The following TENM4 variants were observed in gnomAD, a reference collection of about 807,000 sequenced individuals.
The protein encoded by TENM4 is teneurin-4.
Under a neutral mutation model 243.3 loss-of-function variants are expected in TENM4, and 82 were observed. The observed-to-expected ratio is 0.34, with a 90% confidence interval of 0.28 to 0.40. The LOEUF (loss-of-function observed/expected upper bound fraction) is 0.40, where lower values mean the gene tolerates loss of function less well. TENM4 is among the 10% of genes least tolerant of loss of function. The probability of loss-of-function intolerance (pLI) is 1.00; values close to 1 mark genes in which losing one functional copy is unlikely to be tolerated. For synonymous variants in TENM4, 1,412 were observed against 1,456.3 expected (o/e 0.97, Z 0.69); for missense variants, 3,138 against 3,673.3 (o/e 0.85, Z 3.77).
chr11:79,144,502 A>G (rs1862358085), intron 4 of TENM4, among the ~76,000 whole-genome samples: 1 of 152,138 alleles, frequency 6.6e-6, no homozygotes, highest in African/African-American at 2.4e-5. Flanking sequence ...GGCACTACTT[A>G]CAATAGGCAA....
intron 6 of TENM4, among the ~76,000 whole-genome samples, chr11:78,955,206 G>C (rs1456024796): frequency 6.6e-6 from 1 of 152,232 alleles, no homozygotes; most frequent in South Asian, 2.1e-4. Flanking sequence ...TTCTCACATG[G>C]ACACAGTGTT....
chr11:78,865,731 C>A (rs559447041), intron 9 of TENM4, among the ~76,000 whole-genome samples: 97 of 152,188 alleles, frequency 6.4e-4, no homozygotes, highest in African/African-American at 2.1e-3. Flanking sequence ...AGGCCACGCT[C>A]GGGTGAAAGC....
At chr11:79,361,395 A>T (rs1857586804) in intron 1 of TENM4, among the ~76,000 whole-genome samples, 1 of 152,216 alleles carries the variant, frequency 6.6e-6, no homozygotes, top group Non-Finnish European at 1.5e-5. Context: ...TTTAAGTATG[A>T]ACTAAATTCA....
chr11:79,428,248 A>C (rs1036126110), intron 1 of TENM4, among the ~76,000 whole-genome samples: 3 of 152,174 alleles, frequency 2.0e-5, no homozygotes, highest in Non-Finnish European at 2.9e-5. Flanking sequence ...TCCAAAATAC[A>C]ACACATTTCC....
intron 2 of TENM4, among the ~76,000 whole-genome samples, chr11:79,278,352 A>G (rs1856096635): frequency 6.6e-6 from 1 of 152,190 alleles, no homozygotes; most frequent in African/African-American, 2.4e-5. Context: ...GGCCGGACAA[A>G]TGGACTGATT....
intron 3 of TENM4, among the ~76,000 whole-genome samples, chr11:79,206,908 T>C (rs1395763693): frequency 6.6e-6 from 1 of 152,186 alleles, no homozygotes; most frequent in East Asian, 1.9e-4. Flanking sequence ...ATGAATTTCT[T>C]AGTCCTGGGC....
In TENM4 at chr11:79,030,097, C is replaced by T. The variant is rs548672158; in HGVS notation, c.493+34641G>A. Among the ~76,000 whole-genome samples the T allele has an allele frequency of 5.9e-5, 9 of 152,178 alleles. No individual in the cohort carries two copies. In the South Asian group the frequency reaches 1.2e-3, roughly 21 times the overall value. On this transcript the variant is annotated intron_variant, in intron 6 of 33. Coordinates refer to ENST00000278550, the MANE Select transcript of TENM4 (RefSeq NM_001098816.3). ...GCAAGATTCCTGTCTACTTTTCATT[C>T]GGCAATCAGGCATGTAATCAGAGGA...
At chr11:79,011,982 G>A (rs796853833) in intron 6 of TENM4, among the ~76,000 whole-genome samples, 1 of 151,956 alleles carries the variant, frequency 6.6e-6, no homozygotes, top group South Asian at 2.1e-4. Flanking sequence ...CCACCTCCAC[G>A]CATCTTTATG....
At chr11:78,949,258 G>T (rs987187561) in intron 6 of TENM4, among the ~76,000 whole-genome samples, 7 of 152,202 alleles carry the variant, frequency 4.6e-5, no homozygotes, top group African/African-American at 1.7e-4. Flanking sequence ...CCCTCAGCAG[G>T]ACTGGATGTT....
intron 1 of TENM4, among the ~76,000 whole-genome samples, chr11:79,401,718 A>C (rs1246890786): frequency 6.6e-6 from 1 of 152,196 alleles, no homozygotes; most frequent in African/African-American, 2.4e-5. Context: ...GCACTTTTCC[A>C]TCAAGCTCAG....
At chr11:78,849,243 A>G (rs903527984) in intron 12 of TENM4, among the ~76,000 whole-genome samples, 2 of 152,258 alleles carry the variant, frequency 1.3e-5, no homozygotes, top group African/African-American at 4.8e-5. Context: ...TTAAAGTTTT[A>G]GATGTGAGAC....
At chr11:79,114,497 T>C (rs2137114583) in intron 4 of TENM4, among the ~76,000 whole-genome samples, 3 of 152,352 alleles carry the variant, frequency 2.0e-5, no homozygotes, top group Middle Eastern at 6.8e-3. Flanking sequence ...TAGTTTTTTA[T>C]TTTCTACATG....
At chr11:79,081,482 C>G (rs1455307111) in intron 4 of TENM4, among the ~76,000 whole-genome samples, 6 of 151,878 alleles carry the variant, frequency 4.0e-5, no homozygotes, top group African/African-American at 1.5e-4. Flanking sequence ...AGCCTCTGAT[C>G]ACAGCTGGGA....
chr11:79,072,494 A>T (rs1398372871), intron 4 of TENM4, among the ~76,000 whole-genome samples: 1 of 152,184 alleles, frequency 6.6e-6, no homozygotes, highest in African/African-American at 2.4e-5. Flanking sequence ...CAAAAAAAAA[A>T]AAAAAATTAC....
intron 4 of TENM4, among the ~76,000 whole-genome samples, chr11:79,108,375 C>A (rs1258105445): frequency 6.6e-6 from 1 of 152,188 alleles, no homozygotes; most frequent in Non-Finnish European, 1.5e-5. Flanking sequence ...TCAACTCCCG[C>A]CTGAATTTCC....
rs568046500 is a variant in TENM4 at position 78,745,894 on chromosome 11, T to A, written c.2757-7324A>T. Among the ~76,000 whole-genome samples the A allele has an allele frequency of 8.5e-5, 13 of 152,342 alleles. No individual in the cohort carries two copies. The South Asian group carries it at 2.3e-3, about 27-fold the overall frequency. ...ATAACTTATTTCAAAGCTCATCCTATATTTACCATGTATATTTTCCAATAG... is the reference window on the plus strand; with the variant it reads ...ATAACTTATTTCAAAGCTCATCCTAAATTTACCATGTATATTTTCCAATAG... On this transcript the variant is annotated intron_variant, in intron 19 of 33. Coordinates refer to ENST00000278550, the MANE Select transcript of TENM4 (RefSeq NM_001098816.3).
intron 28 of TENM4, 144 bp from the exon 29 acceptor site, chr11:78,688,370 GC>G (rs1858737755): frequency 1.1e-5 from 10 of 886,954 alleles, no homozygotes; most frequent in Non-Finnish European, 1.7e-5. Flanking sequence ...CACATATCTT[GC>G]ACAGGACCTG....
chr11:79,060,628 A>T (rs531617563), intron 6 of TENM4, among the ~76,000 whole-genome samples: 1 of 152,304 alleles, frequency 6.6e-6, no homozygotes, highest in South Asian at 2.1e-4. Flanking sequence ...AGAGCTGAGG[A>T]CGCCTGCAGA....
intron 15 of TENM4, among the ~76,000 whole-genome samples, chr11:78,790,325 A>G (rs1219098941): frequency 2.0e-5 from 3 of 152,266 alleles, no homozygotes; most frequent in African/African-American, 7.2e-5. Context: ...GTAATCTGCA[A>G]GCTGCCAATT....
Sources: gnomAD v4.1 joint callset for allele counts (sites outside exome capture counted in the v4.1 genomes callset) on GRCh38, gnomAD v4.1.1 for gene constraint, MANE v1.5 for transcripts, NCBI Gene and HGNC (gene_info 2026-07-23, HGNC 2026-07-21) for gene names.